The following NSRP1 variants were observed in gnomAD, a reference collection of about 807,000 sequenced individuals.
The protein encoded by NSRP1 is coiled-coil domain containing 55.
In NSRP1, 24 loss-of-function variants were observed where a neutral mutation model predicts 54.7. The ratio of observed to expected loss-of-function variants is 0.44; its 90% confidence interval spans 0.32 to 0.62. The LOEUF is 0.62. Among genes scored for constraint, NSRP1 ranks in the 20% least tolerant of loss-of-function variants. NSRP1 has a pLI of 0.06. For missense variants in NSRP1, 596 were observed against 651.2 expected (o/e 0.92, Z 0.92); for synonymous variants, 210 against 213.8 (o/e 0.98, Z 0.15).
chr17:30,174,437 G>A (rs377235613), intron 3 of NSRP1, among the ~76,000 whole-genome samples: 2 of 152,202 alleles, frequency 1.3e-5, no homozygotes, highest in South Asian at 2.1e-4. Flanking sequence ...AAGAATACTA[G>A]CTTGATTGCA....
chr17:30,184,377 A>C (rs945878070), intron 6 of NSRP1, among the ~76,000 whole-genome samples: 1 of 152,232 alleles, frequency 6.6e-6, no homozygotes, highest in Non-Finnish European at 1.5e-5. Context: ...ATAGTAGACA[A>C]GGGCTAATTT....
At chr17:30,173,544 C>T (rs1050069107) in intron 3 of NSRP1, among the ~76,000 whole-genome samples, 2 of 152,128 alleles carry the variant, frequency 1.3e-5, no homozygotes, top group Non-Finnish European at 2.9e-5. Context: ...TATTTATCCT[C>T]TCCATTAGCT....
At chr17:30,119,696 T>G (rs753479778) in intron 2 of NSRP1, among the ~76,000 whole-genome samples, 7 of 151,946 alleles carry the variant, frequency 4.6e-5, no homozygotes, top group Non-Finnish European at 5.9e-5. Context: ...AGAGGTGGGA[T>G]TTCACCATGT....
At chr17:30,134,160 A>G (rs968195742) in intron 2 of NSRP1, among the ~76,000 whole-genome samples, 1 of 152,208 alleles carries the variant, frequency 6.6e-6, no homozygotes, top group African/African-American at 2.4e-5. Flanking sequence ...AGAGGAAAAC[A>G]CCGGTTGGTG....
chr17:30,169,650 G>C (rs1904853274), intron 2 of NSRP1, among the ~76,000 whole-genome samples: 1 of 151,976 alleles, frequency 6.6e-6, no homozygotes, highest in Non-Finnish European at 1.5e-5. Context: ...ATAGCACCTA[G>C]CTCAATAAAT....
At position 30,147,278 on chromosome 17, in the gene NSRP1, G is replaced by A. The variant is rs148984928; in HGVS notation, c.115-25264G>A. 1.1e-3 allele frequency among the ~76,000 whole-genome samples: 161 copies of A among 151,674 alleles called. 2 individuals are homozygous for A. Among genetic ancestry groups the A allele is most frequent in the Middle Eastern group, 0.01 (3 of 294 alleles). ...CAAGTAGCTGGGATTACAGGCCTCC[G>A]CCACCATGCCCCAGCTAATTTTTGT... is the stretch of plus-strand genomic sequence containing the variant. On this transcript the variant is annotated intron_variant, in intron 2 of 6. Coordinates refer to ENST00000247026, the MANE Select transcript of NSRP1 (RefSeq NM_032141.4).
chr17:30,130,358 C>T (rs1248641529), intron 2 of NSRP1, among the ~76,000 whole-genome samples: 1 of 152,140 alleles, frequency 6.6e-6, no homozygotes, highest in Non-Finnish European at 1.5e-5. Context: ...CTCAGCCTCT[C>T]AAAGTACTGG....
chr17:30,158,401 T>C (rs1904391046), intron 2 of NSRP1, among the ~76,000 whole-genome samples: 1 of 152,026 alleles, frequency 6.6e-6, no homozygotes, highest in Admixed American at 6.6e-5. Flanking sequence ...AAACGTTTTC[T>C]CTCATTCATC....
chr17:30,157,352 G>A (rs751588102), intron 2 of NSRP1, among the ~76,000 whole-genome samples: 6 of 152,044 alleles, frequency 3.9e-5, no homozygotes, highest in Non-Finnish European at 7.4e-5. Context: ...TATTTATGGT[G>A]TACATGTGAG....
At chr17:30,180,207 A>C (rs1905249835) in intron 5 of NSRP1, among the ~76,000 whole-genome samples, 1 of 152,102 alleles carries the variant, frequency 6.6e-6, no homozygotes, top group Admixed American at 6.6e-5. Flanking sequence ...CCCAGGCTGG[A>C]GTGCAGTCGT....
At chr17:30,163,909 C>T (rs1261996918) in intron 2 of NSRP1, among the ~76,000 whole-genome samples, 2 of 152,118 alleles carry the variant, frequency 1.3e-5, no homozygotes, top group Non-Finnish European at 2.9e-5. Flanking sequence ...TGGTCTTGAA[C>T]TCTTGACCTC....
intron 3 of NSRP1, among the ~76,000 whole-genome samples, 156 bp downstream of exon 3, chr17:30,172,754 C>T (rs1254143376): frequency 1.3e-5 from 2 of 151,866 alleles, no homozygotes; most frequent in South Asian, 4.1e-4. Flanking sequence ...ATAGATTAAA[C>T]CAGTTCTGCT....
At chr17:30,127,739 CAA>C (rs1012314161) in intron 2 of NSRP1, 1 of 348,936 alleles carries the variant, frequency 2.9e-6, no homozygotes, top group African/African-American at 2.1e-5. Context: ...GATAAAGAGA[CAA>C]AACTTTTTAA....
At chr17:30,171,972 A>ACACTCTCTCTCTCT (rs1169988659) in intron 2 of NSRP1, among the ~76,000 whole-genome samples, 9 of 46,548 alleles carry the variant, frequency 1.9e-4, no homozygotes, top group Non-Finnish European at 4.8e-4. Context: ...ACACACACAC[A>ACACTCTCTCTCTCT]CTCCCTCTCT....
At chr17:30,166,785 G>A (rs1269958513) in intron 2 of NSRP1, among the ~76,000 whole-genome samples, 2 of 152,036 alleles carry the variant, frequency 1.3e-5, no homozygotes, top group Admixed American at 1.3e-4. Flanking sequence ...AATTAGCCAC[G>A]CATGGTGGCG....
intron 2 of NSRP1, among the ~76,000 whole-genome samples, chr17:30,145,507 C>T (rs921646436): frequency 3.9e-5 from 6 of 152,008 alleles, no homozygotes; most frequent in African/African-American, 7.3e-5. Flanking sequence ...CGCTTGAATC[C>T]GGGAGGTGGA....
intron 2 of NSRP1, among the ~76,000 whole-genome samples, chr17:30,148,973 A>G (rs557910798): frequency 6.6e-6 from 1 of 152,188 alleles, no homozygotes; most frequent in South Asian, 2.1e-4. Flanking sequence ...ATTTCTGCCC[A>G]TATGTTTATT....
rs1239170685 is a variant in NSRP1, at chr17:30,178,100, A to C, written c.201A>C (p.Ala67=). The change falls in exon 4 of 7, where the codon GCA becomes GCC. Residue 67 remains alanine (A), a synonymous_variant. Coordinates refer to ENST00000247026, the MANE Select transcript of NSRP1 (RefSeq NM_032141.4). ...QTKLEIQKAL[A]EDATVYEYDS... is the part of the protein sequence containing the mutation. ...AACTGGAAATCCAGAAGGCCCTTGC[A>C]GAAGATGCTACTGTGTATGAATATG... 3 of 1,612,198 alleles carry C rather than the reference A, an allele frequency of 1.9e-6. No homozygotes were observed. The Admixed American group carries it at 5.0e-5, about 27-fold the overall frequency.
intron 2 of NSRP1, among the ~76,000 whole-genome samples, chr17:30,145,734 A>G (rs2071848529): frequency 6.6e-6 from 1 of 152,128 alleles, no homozygotes; most frequent in African/African-American, 2.4e-5. Context: ...CCATCCACAA[A>G]TAGTGGATAC....
Sources: gnomAD v4.1 joint callset for allele counts (sites outside exome capture counted in the v4.1 genomes callset) on GRCh38, gnomAD v4.1.1 for gene constraint, MANE v1.5 for transcripts, NCBI Gene and HGNC (gene_info 2026-07-23, HGNC 2026-07-21) for gene names.